Variants in CAST observed in about 807,000 individuals in gnomAD.
CAST encodes calpastatin, also known as MIR583 host.
A neutral mutation model predicts 119.6 loss-of-function variants in CAST; 76 were observed. The observed-to-expected ratio is 0.64, with a 90% CI of 0.53 to 0.77. CAST has a LOEUF of 0.77. CAST is among the 30% of genes least tolerant of loss of function. CAST has a pLI of 0.00. For missense variants in CAST, 953 were observed against 946.5 expected (o/e 1.01, Z -0.09); for synonymous variants, 319 against 331.6 (o/e 0.96, Z 0.41).
the CAST span, among the ~76,000 whole-genome samples, chr5:96,048,184 C>G: frequency 6.6e-6 from 1 of 152,022 alleles, no homozygotes; most frequent in Admixed American, 6.6e-5. Flanking sequence ...TTAACCAGGC[C>G]AGGATGGGGG....
intron 1 of CAST, among the ~76,000 whole-genome samples, chr5:96,534,876 AAAGAAAAG>A (rs373711345): frequency 1.9e-4 from 28 of 145,504 alleles, no homozygotes; most frequent in Admixed American, 3.5e-4. Flanking sequence ...AAGGAGAAAG[AAAGAAAAG>A]AAAGAAAGAA....
At chr5:96,004,183 A>G in the CAST span, among the ~76,000 whole-genome samples, 3 of 152,264 alleles carry the variant, frequency 2.0e-5, no homozygotes, top group Non-Finnish European at 4.4e-5. Flanking sequence ...ATAGGATGAA[A>G]GAAGAAGTGC....
chr5:96,312,965 T>G, the CAST span, among the ~76,000 whole-genome samples: 1 of 152,112 alleles, frequency 6.6e-6, no homozygotes, highest in Non-Finnish European at 1.5e-5. Flanking sequence ...TTACATACTA[T>G]GGATGTTGTA....
the CAST span, among the ~76,000 whole-genome samples, chr5:96,156,968 T>C: frequency 6.6e-6 from 1 of 152,224 alleles, no homozygotes; most frequent in Non-Finnish European, 1.5e-5. Context: ...CCTATTAAAA[T>C]AATATATGTT....
chr5:96,171,523 C>G, the CAST span, among the ~76,000 whole-genome samples: 311 of 152,292 alleles, frequency 2.0e-3, no homozygotes, highest in African/African-American at 6.9e-3. Flanking sequence ...GCAGGCGTCC[C>G]GGCGGTGATC....
the CAST span, among the ~76,000 whole-genome samples, chr5:95,981,265 T>C: frequency 6.6e-6 from 1 of 152,008 alleles, no homozygotes; most frequent in Admixed American, 6.5e-5. Context: ...CCTCATGGGG[T>C]AAAGGAGTTT....
chr5:96,719,199 G>T (rs1316050090), intron 3 of CAST, among the ~76,000 whole-genome samples: 1 of 152,130 alleles, frequency 6.6e-6, no homozygotes, highest in Non-Finnish European at 1.5e-5. Context: ...TGGCTCACTT[G>T]CCAGGACCTG....
chr5:96,024,039 C>T, the CAST span, among the ~76,000 whole-genome samples: 1 of 152,156 alleles, frequency 6.6e-6, no homozygotes, highest in Non-Finnish European at 1.5e-5. Context: ...CCACAGTTAT[C>T]ATCATCCAAT....
the CAST span, among the ~76,000 whole-genome samples, chr5:96,441,653 A>G: frequency 1.3e-5 from 2 of 152,156 alleles, no homozygotes; most frequent in African/African-American, 4.8e-5. Flanking sequence ...TGTAAACTCA[A>G]TATTATTAAG....
the CAST span, among the ~76,000 whole-genome samples, chr5:96,389,410 T>C: frequency 6.6e-6 from 1 of 152,128 alleles, no homozygotes; most frequent in African/African-American, 2.4e-5. Context: ...ATCAATGAAA[T>C]GAAAATAGAG....
chr5:96,382,165 C>T, the CAST span, among the ~76,000 whole-genome samples: 1 of 152,154 alleles, frequency 6.6e-6, no homozygotes, highest in Non-Finnish European at 1.5e-5. Flanking sequence ...TTGGATTTCT[C>T]TCCTCATTTC....
the CAST span, among the ~76,000 whole-genome samples, chr5:96,187,098 GTTTA>G: frequency 6.6e-6 from 1 of 152,072 alleles, no homozygotes; most frequent in African/African-American, 2.4e-5. Context: ...GTGTCCAGGA[GTTTA>G]TTCATTTCTT....
At chr5:96,081,657 T>A in the CAST span, among the ~76,000 whole-genome samples, 1 of 152,028 alleles carries the variant, frequency 6.6e-6, no homozygotes, top group Non-Finnish European at 1.5e-5. Flanking sequence ...AATAAACAGA[T>A]GCTCACCCAC....
the CAST span, among the ~76,000 whole-genome samples, chr5:96,333,337 A>G: frequency 2.0e-5 from 3 of 151,986 alleles, no homozygotes; most frequent in African/African-American, 4.8e-5. Flanking sequence ...TTTGGAAAAG[A>G]GGCTTGGAAA....
the CAST span, among the ~76,000 whole-genome samples, chr5:96,122,459 A>T: frequency 6.6e-6 from 1 of 152,308 alleles, no homozygotes; most frequent in Middle Eastern, 3.4e-3. Context: ...GTATAGTCCA[A>T]ATTGATTTTG....
chr5:96,530,650 C>T (rs992210299), intron 1 of CAST, among the ~76,000 whole-genome samples: 2 of 151,970 alleles, frequency 1.3e-5, no homozygotes, highest in African/African-American at 4.8e-5. Flanking sequence ...GAAGAGTCAG[C>T]CCAGGAGGAG....
At chr5:96,480,927 G>A in the CAST span, among the ~76,000 whole-genome samples, 1 of 152,150 alleles carries the variant, frequency 6.6e-6, no homozygotes, top group African/African-American at 2.4e-5. Context: ...GGACATAAAG[G>A]TGAAGAAAGA....
the CAST span, among the ~76,000 whole-genome samples, chr5:95,964,280 G>T: frequency 6.6e-6 from 1 of 152,160 alleles, no homozygotes; most frequent in Non-Finnish European, 1.5e-5. Context: ...AATTTATTTT[G>T]AGGAGGCTGA....
the CAST span, among the ~76,000 whole-genome samples, chr5:96,334,251 G>C: frequency 6.6e-6 from 1 of 152,148 alleles, no homozygotes; most frequent in African/African-American, 2.4e-5. Context: ...GGCATCCTTG[G>C]AGGATTGCTC....
Sources: gnomAD v4.1 joint callset for allele counts (sites outside exome capture counted in the v4.1 genomes callset) on GRCh38, gnomAD v4.1.1 for gene constraint, MANE v1.5 for transcripts, NCBI Gene and HGNC (gene_info 2026-07-23, HGNC 2026-07-21) for gene names.